SCN11A: variants seen among roughly 807,000 people sequenced by gnomAD.
The protein encoded by SCN11A is sodium channel protein type 11 subunit alpha.
In SCN11A, 122 loss-of-function variants were observed where a neutral mutation model predicts 162.2. That is an observed-to-expected ratio of 0.75 (90% CI 0.65 to 0.87). The LOEUF is 0.87. Among genes scored for constraint, SCN11A ranks in the 40% least tolerant of loss-of-function variants. SCN11A has a pLI of 0.00. For synonymous variants in SCN11A, 758 were observed against 751.5 expected (o/e 1.01, Z -0.14); for missense variants, 2,015 against 2,181.6 (o/e 0.92, Z 1.52).
At chr3:38,866,257 T>C (rs2065039528) in intron 27 of SCN11A, among the ~76,000 whole-genome samples, 1 of 152,130 alleles carries the variant, frequency 6.6e-6, no homozygotes, top group Admixed American at 6.6e-5. Flanking sequence ...CTCGCTCTGT[T>C]GCCCAGGCTG....
intron 2 of SCN11A, among the ~76,000 whole-genome samples, chr3:38,980,710 G>C (rs920945437): frequency 1.3e-5 from 2 of 152,208 alleles, no homozygotes; most frequent in East Asian, 3.8e-4. Flanking sequence ...GGGGATTACA[G>C]ATAAATCAGG....
chr3:38,953,776 C>G lies in SCN11A; in HGVS notation c.-138-17G>C, dbSNP rs1317879191. Among the ~76,000 whole-genome samples, 3 of 152,058 alleles carry G rather than the reference C, an allele frequency of 2.0e-5. No individual in the cohort carries two copies. Among genetic ancestry groups the G allele is most frequent in the Non-Finnish European group, 4.4e-5 (3 of 68,002 alleles). ...CTGGGGAACCTGCAAGTGGAGAGAA[C>G]CAAAAGGCACTCGAATATAGGGAAA... On this transcript the variant is annotated splice_polypyrimidine_tract_variant and intron_variant, in intron 3 of 29. Transcript: ENST00000302328.
At chr3:38,941,394 A>AT (rs2066440814) in intron 7 of SCN11A, among the ~76,000 whole-genome samples, 1 of 152,188 alleles carries the variant, frequency 6.6e-6, no homozygotes, top group African/African-American at 2.4e-5. Flanking sequence ...GAACCACAAG[A>AT]TATATTAAAG....
At position 39,043,868 on chromosome 3, in the gene SCN11A, AAAG is replaced by A. The variant is rs2032118684; in HGVS notation, c.-404+7990_-404+7992del. ...TGTAATAAAAAGGATAAATGCAAAA[AAAG>A]AAGGATAAATGCTTGAGGAGATGGA... On this transcript the variant is annotated intron_variant, in intron 1 of 29. Coordinates refer to ENST00000302328, the MANE Select transcript of SCN11A (RefSeq NM_001349253.2). Among the ~76,000 whole-genome samples the A allele has an allele frequency of 2.0e-5, 3 of 152,320 alleles. No homozygotes were observed. The South Asian group carries it at 6.2e-4, about 32-fold the overall frequency.
chr3:38,907,688 C>T (rs548066826), intron 14 of SCN11A, among the ~76,000 whole-genome samples: 49 of 152,226 alleles, frequency 3.2e-4, no homozygotes, highest in African/African-American at 1.1e-3. Context: ...CATCATTAGC[C>T]GTACACTCTG....
At chr3:38,951,119 G>A (rs1006168680) in intron 4 of SCN11A, among the ~76,000 whole-genome samples, 2 of 152,262 alleles carry the variant, frequency 1.3e-5, no homozygotes, top group Non-Finnish European at 2.9e-5. Context: ...CAAGGCCAGA[G>A]CCGGCTCCCT....
intron 1 of SCN11A, among the ~76,000 whole-genome samples, chr3:39,050,786 A>T (rs1575375843): frequency 6.6e-6 from 1 of 152,208 alleles, no homozygotes; most frequent in East Asian, 1.9e-4. Context: ...TATTAATGAG[A>T]TATTTTACAT....
Position 38,920,999 on chromosome 3 carries a change from T to C in SCN11A, c.892+77A>G, listed in dbSNP as rs2066040887. On this transcript the variant is annotated intron_variant, in intron 10 of 29. Transcript: ENST00000302328. ...GCTAAGAGACTCTGTAAGGGAAGTG[T>C]GAAGGCAGGACAAGTGAGGATAAGG... 3 of 1,347,382 alleles carry C rather than the reference T, an allele frequency of 2.2e-6. No homozygotes were observed. The African/African-American group carries it at 4.3e-5, about 19-fold the overall frequency. 83.5% of individuals were successfully genotyped at this position (1,347,382 alleles called of 1,614,324 possible).
intron 9 of SCN11A, among the ~76,000 whole-genome samples, chr3:38,924,505 C>T (rs2066105601): frequency 6.6e-6 from 1 of 152,058 alleles, no homozygotes; most frequent in Non-Finnish European, 1.5e-5. Context: ...TCCTGAGTAG[C>T]TGGGATTACA....
chr3:39,018,877 T>C, intron 2 of SCN11A, among the ~76,000 whole-genome samples: 1 of 152,220 alleles, frequency 6.6e-6, no homozygotes, highest in Non-Finnish European at 1.5e-5. Context: ...AAAAATTATA[T>C]AACAGTGATA....
At chr3:38,994,721 T>C (rs2030559179) in intron 2 of SCN11A, among the ~76,000 whole-genome samples, 1 of 152,098 alleles carries the variant, frequency 6.6e-6, no homozygotes. Context: ...AGTGTTTCTA[T>C]GGACGAAGTG....
intron 27 of SCN11A, among the ~76,000 whole-genome samples, chr3:38,864,598 A>T (rs1445163965): frequency 6.6e-6 from 1 of 152,172 alleles, no homozygotes; most frequent in Non-Finnish European, 1.5e-5. Context: ...CCACTTATAT[A>T]TTTCCTTGTA....
intron 2 of SCN11A, among the ~76,000 whole-genome samples, chr3:39,015,968 C>G (rs2031279099): frequency 6.6e-6 from 1 of 152,144 alleles, no homozygotes; most frequent in South Asian, 2.1e-4. Flanking sequence ...AACTTCTGAC[C>G]TCAAGTGATC....
intron 3 of SCN11A, among the ~76,000 whole-genome samples, chr3:38,956,668 A>T (rs1052123504): frequency 2.0e-5 from 3 of 152,198 alleles, no homozygotes; most frequent in African/African-American, 7.2e-5. Flanking sequence ...CTACAAAATT[A>T]TGATATAATT....
At chr3:38,980,327 G>T (rs1319285443) in intron 2 of SCN11A, among the ~76,000 whole-genome samples, 1 of 152,140 alleles carries the variant, frequency 6.6e-6, no homozygotes, top group Non-Finnish European at 1.5e-5. Flanking sequence ...TCAGGGAAAA[G>T]AATGGCAGAA....
chr3:38,980,876 A>C (rs1451971916), intron 2 of SCN11A, among the ~76,000 whole-genome samples: 1 of 152,224 alleles, frequency 6.6e-6, no homozygotes, highest in Non-Finnish European at 1.5e-5. Flanking sequence ...TGGGGGTGGA[A>C]GCTGAGCCAA....
At chr3:38,929,133 A>G (rs7433733) in intron 7 of SCN11A, among the ~76,000 whole-genome samples, 127,431 of 147,558 alleles carry the variant, frequency 0.86, 54,524 homozygotes, top group South Asian at 0.92. Flanking sequence ...GGGTCTGTGC[A>G]CGCACACACA....
intron 14 of SCN11A, 105 bp from the exon 15 acceptor site, chr3:38,905,426 A>G: frequency 7.5e-7 from 1 of 1,328,618 alleles, no homozygotes; most frequent in Non-Finnish European, 1.0e-6. Flanking sequence ...AGTGCTCAAC[A>G]TTTTCTATAG....
chr3:39,021,797 C>A (rs2031459257), intron 2 of SCN11A, among the ~76,000 whole-genome samples: 1 of 152,146 alleles, frequency 6.6e-6, no homozygotes, highest in African/African-American at 2.4e-5. Flanking sequence ...GGAGCCTGAA[C>A]AACATTTTCT....
Sources: gnomAD v4.1 joint callset for allele counts (sites outside exome capture counted in the v4.1 genomes callset) on GRCh38, gnomAD v4.1.1 for gene constraint, MANE v1.5 for transcripts, NCBI Gene and HGNC (gene_info 2026-07-23, HGNC 2026-07-21) for gene names.